NRF1: variants seen among roughly 807,000 people sequenced by gnomAD.
NRF1 encodes alpha palindromic-binding protein.
A neutral mutation model predicts 58.5 loss-of-function variants in NRF1; 5 were observed. The ratio of observed to expected loss-of-function variants is 0.09; its 90% CI spans 0.04 to 0.18. The LOEUF (loss-of-function observed/expected upper bound fraction) is 0.18. Ranked by LOEUF, NRF1 falls within the 10% of genes least tolerant of loss-of-function variation. The pLI is 1.00. For synonymous variants in NRF1, 224 were observed against 246.7 expected, an observed-to-expected ratio of 0.91 and a Z score of 0.86; for missense variants, 288 against 657.7, an observed-to-expected ratio of 0.44 and a Z score of 6.15.
chr7:129,723,185 T>C (rs1024578565), intron 9 of NRF1, among the ~76,000 whole-genome samples: 2 of 152,186 alleles, frequency 1.3e-5, no homozygotes, highest in Non-Finnish European at 2.9e-5. Context: ...GGCTCATGCC[T>C]GTAATCCCAG....
chr7:129,674,823 G>T (rs576892783), intron 3 of NRF1, among the ~76,000 whole-genome samples: 1 of 152,172 alleles, frequency 6.6e-6, no homozygotes, highest in Admixed American at 6.5e-5. Flanking sequence ...GTCTTGCCTC[G>T]ATGTTGATGA....
intron 1 of NRF1, among the ~76,000 whole-genome samples, chr7:129,620,746 T>C (rs913205199): frequency 6.6e-6 from 1 of 152,220 alleles, no homozygotes; most frequent in Non-Finnish European, 1.5e-5. Context: ...TAGATTGTGC[T>C]TGTTGGAAAA....
intron 2 of NRF1, among the ~76,000 whole-genome samples, chr7:129,662,729 T>C (rs1801813514): frequency 6.6e-6 from 1 of 152,204 alleles, no homozygotes; most frequent in African/African-American, 2.4e-5. Context: ...ATCATCTTAA[T>C]CCAATTTAAG....
intron 1 of NRF1, among the ~76,000 whole-genome samples, chr7:129,643,639 A>G (rs73466667): frequency 0.017 from 2,524 of 152,292 alleles, 61 homozygotes; most frequent in African/African-American, 0.058. Context: ...CTTTTTATTG[A>G]TATGTGTAGC....
At chr7:129,634,421 C>T (rs545265762) in intron 1 of NRF1, among the ~76,000 whole-genome samples, 1 of 152,190 alleles carries the variant, frequency 6.6e-6, no homozygotes, top group Admixed American at 6.6e-5. Flanking sequence ...CCAAAAATGT[C>T]CTATGGTTGG....
chr7:129,690,665 G>T, intron 5 of NRF1, 119 bp downstream of exon 5: 1 of 1,091,422 alleles, frequency 9.2e-7, no homozygotes, highest in East Asian at 2.5e-5. Context: ...GATGCTGACT[G>T]GAGTCTTGTA....
chr7:129,641,926 G>A lies in NRF1; in HGVS notation c.-6-15420G>A, dbSNP rs184886962. On this transcript the variant is annotated intron_variant, in intron 1 of 10. Coordinates refer to ENST00000393232, the MANE Select transcript of NRF1 (RefSeq NM_005011.5). ...GATCTCCTGACCTTGTGATCCACCC[G>A]CCTCAGCCTCCCAAAGTGCTGAGAT... 266 of 152,118 alleles carry A rather than the reference G, an allele frequency of 1.7e-3. 4 individuals carry two copies. In the East Asian group the frequency reaches 0.018, roughly 11 times the overall value. The allele number at this position is 152,118 out of a possible 1,614,324, so 9.4% of individuals were successfully genotyped here.
intron 1 of NRF1, among the ~76,000 whole-genome samples, chr7:129,648,365 C>T (rs1417238386): frequency 2.0e-5 from 3 of 150,832 alleles, no homozygotes; most frequent in East Asian, 2.0e-4. Context: ...CTGCAAGCTC[C>T]GCCTCCCGGG....
chr7:129,647,640 A>G (rs1322132821), intron 1 of NRF1, among the ~76,000 whole-genome samples: 1 of 152,070 alleles, frequency 6.6e-6, no homozygotes, highest in African/African-American at 2.4e-5. Context: ...GCGATCCCCC[A>G]GCCTTGGCCT....
intron 1 of NRF1, among the ~76,000 whole-genome samples, chr7:129,636,393 C>A (rs1801169345): frequency 6.6e-6 from 1 of 151,960 alleles, no homozygotes; most frequent in Non-Finnish European, 1.5e-5. Flanking sequence ...TGCCCCACAC[C>A]CGACTAATTT....
At chr7:129,703,100 T>C (rs1802870832) in intron 5 of NRF1, among the ~76,000 whole-genome samples, 1 of 152,240 alleles carries the variant, frequency 6.6e-6, no homozygotes, top group African/African-American at 2.4e-5. Flanking sequence ...ATCTGTGGTT[T>C]CCACATAATC....
chr7:129,654,331 G>C (rs965894008), intron 1 of NRF1, among the ~76,000 whole-genome samples: 7 of 151,892 alleles, frequency 4.6e-5, no homozygotes, highest in Non-Finnish European at 1.0e-4. Context: ...TCTTATTGTT[G>C]AGTTTTTAAG....
chr7:129,712,532 G>C (rs1220737817), intron 8 of NRF1, among the ~76,000 whole-genome samples: 1 of 152,214 alleles, frequency 6.6e-6, no homozygotes, highest in Non-Finnish European at 1.5e-5. Context: ...GATGGAGGGA[G>C]AGTGCACCAC....
At chr7:129,666,697 A>G (rs1337989160) in intron 2 of NRF1, among the ~76,000 whole-genome samples, 1 of 152,016 alleles carries the variant, frequency 6.6e-6, no homozygotes, top group African/African-American at 2.4e-5. Context: ...ATACCTGGCT[A>G]ATTTTTGTAT....
At chr7:129,715,625 A>G (rs1803167671) in intron 8 of NRF1, among the ~76,000 whole-genome samples, 1 of 152,254 alleles carries the variant, frequency 6.6e-6, no homozygotes, top group Admixed American at 6.5e-5. Context: ...TATACAAAGT[A>G]TAATAGTATA....
intron 2 of NRF1, among the ~76,000 whole-genome samples, chr7:129,661,627 T>C (rs577211059): frequency 6.6e-6 from 1 of 151,104 alleles, no homozygotes; most frequent in Admixed American, 6.5e-5. Context: ...AAGTTTCTTA[T>C]TTCCACCTGA....
chr7:129,681,462 C>T lies in NRF1; in HGVS notation c.465+3704C>T, dbSNP rs543698781. Among the ~76,000 whole-genome samples the T allele has an allele frequency of 1.4e-4, 22 of 152,224 alleles. 1 individual carries two copies. The South Asian group carries it at 3.3e-3, about 23-fold the overall frequency. Reference sequence around the variant, plus strand: ...CAAAAGTTTGTCAGAAAAATGCCTACAAAAATAAATCATGGATCACGGCAT... The same window carrying T: ...CAAAAGTTTGTCAGAAAAATGCCTATAAAAATAAATCATGGATCACGGCAT... On this transcript the variant is annotated intron_variant, in intron 4 of 10. Transcript: ENST00000393232.
At chr7:129,716,236 A>G (rs1335851967) in intron 8 of NRF1, among the ~76,000 whole-genome samples, 5 of 152,156 alleles carry the variant, frequency 3.3e-5, no homozygotes, top group Admixed American at 6.5e-5. Flanking sequence ...ACTTCCATAT[A>G]GCAGGAATAG....
In NRF1 at chr7:129,735,015, G is replaced by A. The variant is rs113273067; in HGVS notation, c.1348+7650G>A. The A allele has an allele frequency of 2.3e-3, 2,265 of 978,646 alleles. 7 individuals are homozygous for A. The highest frequency in any genetic ancestry group is 2.5e-3 in the Non-Finnish European group (2,043 of 823,798). The allele number at this position is 978,646 out of a possible 1,614,324, so 60.6% of individuals were successfully genotyped here. On this transcript the variant is annotated intron_variant, in intron 10 of 10. Coordinates refer to ENST00000393232, the MANE Select transcript of NRF1 (RefSeq NM_005011.5). ...GGGCGTGTTCATTTTTGCCTGGAGC[G>A]AGTTTATTGGCTTATTTGTTTCCCC...
Sources: gnomAD v4.1 joint callset for allele counts (sites outside exome capture counted in the v4.1 genomes callset) on GRCh38, gnomAD v4.1.1 for gene constraint, MANE v1.5 for transcripts, NCBI Gene and HGNC (gene_info 2026-07-23, HGNC 2026-07-21) for gene names.